Variants in CYLD observed in about 807,000 individuals in gnomAD.
CYLD encodes ubiquitin carboxyl-terminal hydrolase CYLD.
In CYLD, 26 loss-of-function variants were observed where a neutral mutation model predicts 104.5. The observed-to-expected ratio is 0.25, with a 90% CI of 0.18 to 0.35. The LOEUF is 0.35. Among genes scored for constraint, CYLD ranks in the 10% least tolerant of loss-of-function variants. The pLI, the probability that CYLD is intolerant of heterozygous loss-of-function variation, is 1.00. For missense variants in CYLD, 703 were observed against 1,136.1 expected (o/e 0.62, Z 5.48); for synonymous variants, 385 against 399.9 (o/e 0.96, Z 0.45).
chr16:50,791,120 A>G (rs1971394205), intron 14 of CYLD, among the ~76,000 whole-genome samples: 1 of 152,208 alleles, frequency 6.6e-6, no homozygotes, highest in African/African-American at 2.4e-5. Context: ...CATTTTAGAA[A>G]TGAAAAGTTC....
At chr16:50,745,470 C>A (rs546449468) in intron 2 of CYLD, among the ~76,000 whole-genome samples, 1 of 148,032 alleles carries the variant, frequency 6.8e-6, no homozygotes, top group Non-Finnish European at 1.5e-5. Flanking sequence ...TGGGCTCTAG[C>A]GATCTTCCCA....
chr16:50,746,003 A>G (rs1966162451), intron 2 of CYLD, among the ~76,000 whole-genome samples: 2 of 152,144 alleles, frequency 1.3e-5, no homozygotes, highest in Non-Finnish European at 2.9e-5. Context: ...TATTTTGAGT[A>G]CATAAAATAA....
At chr16:50,752,124 C>G (rs951634062) in intron 4 of CYLD, among the ~76,000 whole-genome samples, 1 of 151,296 alleles carries the variant, frequency 6.6e-6, no homozygotes, top group African/African-American at 2.4e-5. Flanking sequence ...AGAACATGTT[C>G]TAATTTATCT....
intron 2 of CYLD, among the ~76,000 whole-genome samples, chr16:50,744,047 G>C (rs1319686452): frequency 6.6e-6 from 1 of 152,174 alleles, no homozygotes; most frequent in Non-Finnish European, 1.5e-5. Flanking sequence ...GCATATGCCA[G>C]GCTCTCGTGT....
In CYLD at chr16:50,762,963, ATT is replaced by A. The variant is rs1182824836; in HGVS notation, c.913+8542_913+8543del. On this transcript the variant is annotated intron_variant, in intron 5 of 18. Transcript: ENST00000427738. ...ACAGACATGTGCAATTGTCAAGATA[ATT>A]TTAGAACATTTTCATCACCTCTAAA... Among the ~76,000 whole-genome samples the A allele has an allele frequency of 2.0e-5, 3 of 152,162 alleles. No individual in the cohort carries two copies. In the East Asian group the frequency reaches 5.8e-4, roughly 29 times the overall value.
At chr16:50,776,382 T>A in intron 7 of CYLD, 105 bp downstream of exon 7, 1 of 853,068 alleles carries the variant, frequency 1.2e-6, no homozygotes, top group Non-Finnish European at 1.9e-6. Flanking sequence ...TATGTAGACT[T>A]TTTTTCTTTC....
Position 50,801,475 on chromosome 16 carries a change from A to G in CYLD, c.*4967A>G, listed in dbSNP as rs938620113. 1 of 233,730 alleles carries G rather than the reference A, an allele frequency of 4.3e-6. No homozygotes were observed. The highest frequency in any genetic ancestry group is 5.6e-5 in the Admixed American group (1 of 17,782). 14.5% of individuals were successfully genotyped at this position (233,730 alleles called of 1,614,324 possible). A position where few individuals can be genotyped will look rare whatever the true frequency, so the allele number is the denominator to read the frequency against. On this transcript the variant is annotated 3_prime_UTR_variant, in exon 19 of 19. Coordinates refer to ENST00000427738, the MANE Select transcript of CYLD (RefSeq NM_001378743.1). ...CTTCAGATAAAATTAGTACTTTCAA[A>G]TATTGTCCACTTTAACTTAAAAAAT... is the stretch of plus-strand genomic sequence containing the variant.
At chr16:50,773,142 C>A (rs1198509972) in intron 5 of CYLD, among the ~76,000 whole-genome samples, 1 of 152,136 alleles carries the variant, frequency 6.6e-6, no homozygotes, top group Admixed American at 6.6e-5. Flanking sequence ...CTTGTGGCTG[C>A]TGATGTTAAG....
rs1223093206 is a variant in CYLD at position 50,757,560 on chromosome 16, G to A, written c.913+3136G>A. Among the ~76,000 whole-genome samples, 14 of 150,398 alleles carry A rather than the reference G, an allele frequency of 9.3e-5. 1 individual carries two copies. The highest frequency in any genetic ancestry group is 4.0e-4 in the Admixed American group (6 of 15,116). ...TTTTCATGATTTTTTTTTTTGAGAC[G>A]GGGTCTCGCTTTGTCGCCCAGGGTG... On this transcript the variant is annotated intron_variant, in intron 5 of 18. Coordinates refer to ENST00000427738, the MANE Select transcript of CYLD (RefSeq NM_001378743.1).
At chr16:50,755,335 A>G (rs1300508224) in intron 5 of CYLD, among the ~76,000 whole-genome samples, 2 of 152,010 alleles carry the variant, frequency 1.3e-5, no homozygotes, top group Non-Finnish European at 2.9e-5. Context: ...GTGCTGCTGT[A>G]AACGTGCATG....
chr16:50,794,370 GA>G lies in CYLD; in HGVS notation c.2630del (p.Lys877SerfsTer36), dbSNP rs766663572. The G allele has an allele frequency of 6.2e-7, 1 of 1,614,208 alleles. No homozygotes were observed. The highest frequency in any genetic ancestry group is 1.1e-5 in the South Asian group (1 of 91,084). On this transcript the variant is annotated frameshift_variant, in exon 18 of 19. Coordinates refer to ENST00000427738, the MANE Select transcript of CYLD (RefSeq NM_001378743.1). LOFTEE classifies it high-confidence loss of function. The surrounding 1 kb of genome is among the most constrained non-coding windows in gnomAD (Gnocchi z 4.1). Reference sequence around the variant, plus strand: ...AAACAAGCCACTATGTTGCTTTTGTGAAGTATGGGAAGGACGATTCTGCCTG... The same window carrying G: ...AAACAAGCCACTATGTTGCTTTTGTGAGTATGGGAAGGACGATTCTGCCTG... ...IETSHYVAFV[K>X]YGKDDSAWLF...
intron 13 of CYLD, 30 bp from the exon 14 acceptor site, chr16:50,787,756 G>A (rs774641903): frequency 7.6e-7 from 1 of 1,307,810 alleles, no homozygotes. Flanking sequence ...TTTTGCCTGT[G>A]ACTTATTTGA....
intron 2 of CYLD, among the ~76,000 whole-genome samples, chr16:50,748,698 CATATTATA>C (rs1567419297): frequency 6.6e-6 from 1 of 151,996 alleles, no homozygotes; most frequent in Non-Finnish European, 1.5e-5. Context: ...TTAATATAGT[CATATTATA>C]ATATCTGATA....
chr16:50,796,387 A>C lies in CYLD; in HGVS notation c.2750A>C (p.Lys917Thr). Residue 917 changes from lysine (K) to threonine (T), a missense_variant, in exon 19 of 19, where the codon AAG becomes ACG. By Grantham distance (78) the Lys-to-Thr change is moderately conservative. Around this residue, in one of 5 missense-constraint regions of CYLD, gnomAD observed 130 missense variants for 220.2 expected, o/e 0.59. Transcript: ENST00000427738. ...TPCPEVGEYL[K>T]MSLEDLHSLD... ...TGCCCAGAAGTAGGAGAGTACTTGA[A>C]GATGTCTCTGGAAGACCTGCATTCC... The C allele has an allele frequency of 6.2e-7, 1 of 1,614,182 alleles. No homozygotes were observed. The highest frequency in any genetic ancestry group is 8.5e-7 in the Non-Finnish European group (1 of 1,180,028).
intron 5 of CYLD, among the ~76,000 whole-genome samples, chr16:50,770,958 T>A (rs943820394): frequency 3.9e-5 from 6 of 152,224 alleles, no homozygotes; most frequent in South Asian, 2.1e-4. Context: ...GAGTACAAGA[T>A]TTTTATTTTT....
chr16:50,781,507 A>G (rs1179420946), intron 10 of CYLD, 96 bp downstream of exon 10: 18 of 1,458,644 alleles, frequency 1.2e-5, no homozygotes, highest in Non-Finnish European at 1.7e-5. Context: ...GTGTTTTAAT[A>G]TATTTCTTGC....
At chr16:50,745,707 A>G (rs1345149230) in intron 2 of CYLD, among the ~76,000 whole-genome samples, 2 of 152,076 alleles carry the variant, frequency 1.3e-5, no homozygotes, top group African/African-American at 2.4e-5. Context: ...GGAGTGAGCC[A>G]CTGTGCCTAG....
At position 50,801,069 on chromosome 16, in the gene CYLD, G is replaced by A. The variant is rs17314948; in HGVS notation, c.*4561G>A. The A allele has an allele frequency of 0.071, 16,564 of 233,384 alleles. 765 individuals carry two copies. Among genetic ancestry groups the A allele is most frequent in the South Asian group, 0.23 (1,272 of 5,528 alleles). 14.5% of individuals were successfully genotyped at this position (233,384 alleles called of 1,614,324 possible). On this transcript the variant is annotated 3_prime_UTR_variant, in exon 19 of 19. Transcript: ENST00000427738. ...GACTGAGGCTTCCTGCAGGGTGTTC[G>A]CATTGCCCTTCTCCGTTCCCCTTCA...
chr16:50,792,841 T>G, intron 16 of CYLD, 136 bp downstream of exon 16: 5 of 584,718 alleles, frequency 8.6e-6, no homozygotes, highest in Non-Finnish European at 1.5e-5. Context: ...CCTGGAAATA[T>G]GAAACCAGTC....
Sources: gnomAD v4.1 joint callset for allele counts (sites outside exome capture counted in the v4.1 genomes callset) on GRCh38, gnomAD v4.1.1 for gene constraint, gnomAD v4.1.1 regional missense constraint, Gnocchi (gnomAD v3.1) non-coding constraint, MANE v1.5 for transcripts, NCBI Gene and HGNC (gene_info 2026-07-23, HGNC 2026-07-21) for gene names.